ATG10: variants seen among roughly 807,000 people sequenced by gnomAD.
ATG10 encodes autophagy related 10.
In ATG10, 30 loss-of-function variants were observed where a neutral mutation model predicts 32.1. The observed-to-expected ratio is 0.94, with a 90% CI of 0.70 to 1.27. The LOEUF (loss-of-function observed/expected upper bound fraction) is 1.27. Ranked by LOEUF, ATG10 falls within the 50% of genes most tolerant of loss-of-function variation. ATG10 has a pLI of 0.00. For missense variants in ATG10, 233 were observed against 262.3 expected, an observed-to-expected ratio of 0.89 and a Z score of 0.77; for synonymous variants, 87 against 91.5, an observed-to-expected ratio of 0.95 and a Z score of 0.28.
rs1747370197 is a variant in ATG10 at position 82,254,155 on chromosome 5, G to C, written c.*92G>C. 6.6e-6 allele frequency: 1 copy of C among 152,170 alleles called. No homozygotes were observed. Among genetic ancestry groups the C allele is most frequent in the Non-Finnish European group, 1.5e-5 (1 of 68,036 alleles). 9.4% of individuals were successfully genotyped at this position (152,170 alleles called of 1,614,324 possible). ...TGGCTTTAATAGGACTGATACCATG[G>C]AATATTTCATCTCACCAAGATGTGA... On this transcript the variant is annotated 3_prime_UTR_variant, in exon 8 of 8. Coordinates refer to ENST00000282185, the MANE Select transcript of ATG10 (RefSeq NM_031482.5).
At chr5:82,100,000 G>GTTTTGTTTTTTTTTTTTTTTTTT (rs1765206733) in intron 3 of ATG10, among the ~76,000 whole-genome samples, 1 of 58,940 alleles carries the variant, frequency 1.7e-5, no homozygotes, top group Non-Finnish European at 3.1e-5. Context: ...CTTTTTCTGT[G>GTTTTGTTTTTTTTTTTTTTTTTT]TTTTTTTTTT....
chr5:82,178,770 C>T (rs552707587), intron 5 of ATG10, among the ~76,000 whole-genome samples, 183 bp downstream of exon 5: 167 of 152,018 alleles, frequency 1.1e-3, no homozygotes, highest in Non-Finnish European at 1.6e-3. Flanking sequence ...GGTTTAGCCA[C>T]CCTATTATAA....
intron 2 of ATG10, among the ~76,000 whole-genome samples, chr5:81,999,514 A>G (rs1304371173): frequency 6.6e-6 from 1 of 152,134 alleles, no homozygotes; most frequent in Non-Finnish European, 1.5e-5. Flanking sequence ...CTAGCAGAAG[A>G]TAGAAATAAC....
chr5:82,011,292 G>A (rs1762121383), intron 2 of ATG10, among the ~76,000 whole-genome samples: 1 of 151,990 alleles, frequency 6.6e-6, no homozygotes, highest in African/African-American at 2.4e-5. Flanking sequence ...ATACTGAATG[G>A]ATCATTACAT....
intron 3 of ATG10, among the ~76,000 whole-genome samples, chr5:82,122,256 A>C (rs557109950): frequency 6.6e-6 from 1 of 152,238 alleles, no homozygotes; most frequent in South Asian, 2.1e-4. Context: ...AAAAACAAGC[A>C]ATGGGGAAAA....
intron 3 of ATG10, among the ~76,000 whole-genome samples, chr5:82,061,779 C>CATATAT (rs10656029): frequency 0.033 from 4,493 of 135,324 alleles, 85 homozygotes; most frequent in African/African-American, 0.055. Context: ...TACATGTACA[C>CATATAT]ATATATATAT....
chr5:82,129,146 A>G (rs1464166621), intron 3 of ATG10, among the ~76,000 whole-genome samples: 1 of 151,580 alleles, frequency 6.6e-6, no homozygotes, highest in African/African-American at 2.4e-5. Context: ...TCAGCCTTTG[A>G]TACCTTTGTA....
intron 3 of ATG10, among the ~76,000 whole-genome samples, chr5:82,067,208 T>C (rs1763966552): frequency 6.6e-6 from 1 of 152,146 alleles, no homozygotes; most frequent in South Asian, 2.1e-4. Context: ...AAAGTGTAAG[T>C]GTATGCTATA....
At chr5:81,986,834 A>C (rs952015111) in intron 1 of ATG10, among the ~76,000 whole-genome samples, 4 of 152,148 alleles carry the variant, frequency 2.6e-5, no homozygotes, top group Non-Finnish European at 4.4e-5. Flanking sequence ...GCTTGAGGTC[A>C]AGAGTTTAGG....
At chr5:82,157,848 T>C (rs1767866971) in intron 3 of ATG10, among the ~76,000 whole-genome samples, 1 of 152,234 alleles carries the variant, frequency 6.6e-6, no homozygotes, top group African/African-American at 2.4e-5. Flanking sequence ...ATGTTAGGTT[T>C]GAACTAAAGA....
chr5:82,050,494 T>G (rs1011321662), intron 2 of ATG10, among the ~76,000 whole-genome samples: 1 of 152,124 alleles, frequency 6.6e-6, no homozygotes, highest in Admixed American at 6.6e-5. Context: ...GTAACTATAA[T>G]TTAGTCCTCT....
At chr5:82,135,982 T>C (rs973243282) in intron 3 of ATG10, among the ~76,000 whole-genome samples, 5 of 152,212 alleles carry the variant, frequency 3.3e-5, no homozygotes, top group Non-Finnish European at 7.4e-5. Flanking sequence ...AATGCCCTTC[T>C]TTGTCCTTTT....
At chr5:82,137,380 C>A (rs1377856291) in intron 3 of ATG10, among the ~76,000 whole-genome samples, 2 of 152,054 alleles carry the variant, frequency 1.3e-5, no homozygotes. Flanking sequence ...TGTTGGTGAC[C>A]TTCAAATGTC....
intron 5 of ATG10, among the ~76,000 whole-genome samples, chr5:82,209,805 G>A (rs1581806165): frequency 1.3e-5 from 2 of 151,844 alleles, no homozygotes; most frequent in Admixed American, 1.3e-4. Flanking sequence ...CCCACTTTTT[G>A]TGACTCCAGT....
Position 82,132,716 on chromosome 5 carries a change from C to T in ATG10, c.217-31683C>T, listed in dbSNP as rs191831010. On this transcript the variant is annotated intron_variant, in intron 3 of 7. Transcript: ENST00000282185. The stretch of plus-strand genomic sequence containing the variant: ...TGTGAAAAGTGCTGCAATAAACATA[C>T]GTGTGTGTGTGTCTTTATAGCAGCA... 7.2e-5 allele frequency among the ~76,000 whole-genome samples: 11 copies of T among 151,990 alleles called. No individual in the cohort carries two copies. In the East Asian group the frequency reaches 1.6e-3, roughly 21 times the overall value.
intron 2 of ATG10, among the ~76,000 whole-genome samples, chr5:82,036,406 C>T (rs1411461455): frequency 6.6e-6 from 1 of 152,058 alleles, no homozygotes; most frequent in Non-Finnish European, 1.5e-5. Flanking sequence ...TTAGCCTGGC[C>T]AACATGATGA....
At chr5:81,995,385 C>T (rs1030875492) in intron 2 of ATG10, among the ~76,000 whole-genome samples, 7 of 152,124 alleles carry the variant, frequency 4.6e-5, no homozygotes, top group African/African-American at 9.7e-5. Flanking sequence ...TCAAGCGATC[C>T]GCCCATCTCA....
intron 3 of ATG10, among the ~76,000 whole-genome samples, chr5:82,080,325 C>G (rs111695371): frequency 2.0e-5 from 3 of 152,176 alleles, no homozygotes; most frequent in African/African-American, 7.2e-5. Flanking sequence ...CTGTTGACTC[C>G]GATGGTAGTT....
intron 2 of ATG10, among the ~76,000 whole-genome samples, chr5:82,029,441 A>G (rs1397995902): frequency 6.6e-6 from 1 of 152,224 alleles, no homozygotes; most frequent in Non-Finnish European, 1.5e-5. Flanking sequence ...AAAGGGTTAG[A>G]AAACATTGGA....
Sources: allele counts gnomAD v4.1 joint callset (sites outside exome capture counted in the v4.1 genomes callset), GRCh38; gene constraint gnomAD v4.1.1; transcripts MANE v1.5; gene names NCBI Gene and HGNC (gene_info 2026-07-23, HGNC 2026-07-21).